MFAP1: variants seen among roughly 807,000 people sequenced by gnomAD.
MFAP1 encodes the protein microfibrillar-associated protein 1.
In MFAP1, 18 loss-of-function variants were observed where a neutral mutation model predicts 62.2. The observed-to-expected ratio is 0.29, with a 90% CI of 0.20 to 0.43. The LOEUF is 0.43. Ranked by LOEUF, MFAP1 falls within the 20% of genes least tolerant of loss-of-function variation. The pLI is 1.00. For synonymous variants in MFAP1, 175 were observed against 180.4 expected, an observed-to-expected ratio of 0.97 and a Z score of 0.24; for missense variants, 355 against 559.7, an observed-to-expected ratio of 0.63 and a Z score of 3.69.
At position 43,804,521 on chromosome 15, in the gene MFAP1, T is replaced by G. The variant is rs934133531; in HGVS notation, c.*573A>C. 2.8e-4 allele frequency: 42 copies of G among 152,364 alleles called. No homozygotes were observed. The highest frequency in any genetic ancestry group is 9.9e-4 in the African/African-American group (41 of 41,592). The allele number at this position is 152,364 out of a possible 1,614,324, so 9.4% of individuals were successfully genotyped here. On this transcript the variant is annotated 3_prime_UTR_variant, in exon 9 of 9. Transcript: ENST00000267812. ...TGACAATTGTTATCTTTTACTTTAA[T>G]AGGCAATTAATACTTGTCAGCTTGG...
At chr15:43,821,834 T>C (rs1216599047) in intron 1 of MFAP1, among the ~76,000 whole-genome samples, 2 of 152,048 alleles carry the variant, frequency 1.3e-5, no homozygotes, top group Non-Finnish European at 2.9e-5. Context: ...AATATGAGTA[T>C]CTGTGATCTC....
At chr15:43,812,081 T>C (rs888898874) in intron 6 of MFAP1, among the ~76,000 whole-genome samples, 2 of 151,890 alleles carry the variant, frequency 1.3e-5, no homozygotes, top group African/African-American at 2.4e-5. Context: ...TCCCAGCTAC[T>C]TGGGAGGCTG....
intron 7 of MFAP1, among the ~76,000 whole-genome samples, chr15:43,806,615 C>T (rs1273368399): frequency 6.6e-6 from 1 of 152,224 alleles, no homozygotes; most frequent in African/African-American, 2.4e-5. Context: ...TGGCTCACGC[C>T]CGTAATCCCA....
intron 7 of MFAP1, among the ~76,000 whole-genome samples, chr15:43,807,631 A>T (rs1229972931): frequency 6.6e-6 from 1 of 151,374 alleles, no homozygotes; most frequent in Non-Finnish European, 1.5e-5. Context: ...TACAGGCGTG[A>T]GCCACCGCGC....
chr15:43,810,702 G>C (rs1463226094), intron 6 of MFAP1, among the ~76,000 whole-genome samples: 1 of 151,502 alleles, frequency 6.6e-6, no homozygotes, highest in African/African-American at 2.4e-5. Context: ...GTTGGGGAGA[G>C]GGAGTGATAT....
rs1412174231 is a variant in MFAP1 at position 43,822,929 on chromosome 15, CCT to C, written c.79+1560_79+1561del. On this transcript the variant is annotated intron_variant, in intron 1 of 8. Coordinates refer to ENST00000267812, the MANE Select transcript of MFAP1 (RefSeq NM_005926.3). ...TCTCGGCTCACTGCAACCTCTGCCC[CCT>C]GAGTTCAAGTGATTCTCCTGCCTCA... Among the ~76,000 whole-genome samples, 6 of 151,310 alleles carry C rather than the reference CCT, an allele frequency of 4.0e-5. No homozygotes were observed. In the South Asian group the frequency reaches 6.3e-4, roughly 16 times the overall value.
chr15:43,815,415 C>G (rs900932291), intron 2 of MFAP1, among the ~76,000 whole-genome samples: 1 of 151,962 alleles, frequency 6.6e-6, no homozygotes, highest in Non-Finnish European at 1.5e-5. Context: ...TGGACTTAGG[C>G]AATCTGCCCA....
intron 1 of MFAP1, among the ~76,000 whole-genome samples, chr15:43,818,574 C>T (rs2087449376): frequency 6.8e-6 from 1 of 147,866 alleles, no homozygotes; most frequent in Admixed American, 6.7e-5. Flanking sequence ...TAGCCCAAGA[C>T]TAGAAGGATA....
chr15:43,812,411 A>T (rs1011558204), intron 6 of MFAP1, among the ~76,000 whole-genome samples: 1 of 152,160 alleles, frequency 6.6e-6, no homozygotes, highest in Admixed American at 6.5e-5. Context: ...TGGAACCGAC[A>T]TGTCAGAAGA....
chr15:43,815,324 C>T (rs560336892), intron 2 of MFAP1, among the ~76,000 whole-genome samples: 3 of 152,018 alleles, frequency 2.0e-5, no homozygotes, highest in African/African-American at 4.8e-5. Context: ...GGACTATAGG[C>T]GTGCCACCAC....
intron 1 of MFAP1, among the ~76,000 whole-genome samples, chr15:43,821,941 G>A (rs1567178143): frequency 1.3e-5 from 2 of 150,622 alleles, no homozygotes; most frequent in African/African-American, 2.4e-5. Context: ...AACTAGAAAC[G>A]TGTGTAAGAG....
intron 6 of MFAP1, among the ~76,000 whole-genome samples, chr15:43,811,415 CAA>C (rs573152892): frequency 5.4e-5 from 4 of 73,750 alleles, no homozygotes; most frequent in South Asian, 9.5e-4. Flanking sequence ...GACTGTGTCT[CAA>C]AAAAAAAAAA....
At position 43,817,082 on chromosome 15, in the gene MFAP1, A is replaced by G. The variant is rs1355283478; in HGVS notation, c.299+147T>C. 3.6e-6 allele frequency: 3 copies of G among 823,484 alleles called. No individual in the cohort carries two copies. In the East Asian group the frequency reaches 8.0e-5, roughly 22 times the overall value. The allele number at this position is 823,484 out of a possible 1,614,324, so 51.0% of individuals were successfully genotyped here. ...TTTCCTCCTTTTGTGAAATGGGGAT[A>G]ATAGCACCTATTTCATAAAGTTATT... is the stretch of plus-strand genomic sequence containing the variant. On this transcript the variant is annotated intron_variant, in intron 2 of 8. Transcript: ENST00000267812.
At chr15:43,812,863 C>T in intron 6 of MFAP1, 124 bp downstream of exon 6, 6 of 1,177,384 alleles carry the variant, frequency 5.1e-6, no homozygotes, top group Non-Finnish European at 7.2e-6. Flanking sequence ...AGGAAACTCA[C>T]AAAGCAACAA....
chr15:43,815,367 G>A (rs996277946), intron 2 of MFAP1, among the ~76,000 whole-genome samples: 1 of 151,866 alleles, frequency 6.6e-6, no homozygotes, highest in Non-Finnish European at 1.5e-5. Flanking sequence ...TTGTAGAGAC[G>A]GGGTTTTACC....
At position 43,817,240 on chromosome 15, in the gene MFAP1, A is replaced by G. The variant is rs1313683053; in HGVS notation, c.288T>C (p.Asp96=). 24 of 1,613,392 alleles carry G rather than the reference A, an allele frequency of 1.5e-5. No individual in the cohort carries two copies. Among genetic ancestry groups the G allele is most frequent in the Non-Finnish European group, 1.9e-5 (23 of 1,180,018 alleles). Residue 96 remains aspartate (D), a synonymous_variant, in exon 2 of 9, where the codon GAT becomes GAC. Coordinates refer to ENST00000267812, the MANE Select transcript of MFAP1 (RefSeq NM_005926.3). ...ATCACAGACATTACCTCTCTTCCAC[A>G]TCTTCACTAATACGGTTCTGTAAAC... ...LRRLQNRISE[D]VEERLARHRK...
Position 43,822,706 on chromosome 15 carries a change from C to T in MFAP1, c.79+1785G>A, listed in dbSNP as rs550151995. ...TAACAGACAGGGTCTTGATCTGTTGCTTAGGTTGGAGTGTAATGGCACAAT... is the reference window on the plus strand; with the variant it reads ...TAACAGACAGGGTCTTGATCTGTTGTTTAGGTTGGAGTGTAATGGCACAAT... On this transcript the variant is annotated intron_variant, in intron 1 of 8. Coordinates refer to ENST00000267812, the MANE Select transcript of MFAP1 (RefSeq NM_005926.3). Among the ~76,000 whole-genome samples the T allele has an allele frequency of 1.2e-4, 19 of 152,160 alleles. No individual in the cohort carries two copies. The East Asian group carries it at 3.5e-3, about 28-fold the overall frequency.
rs187474527 is a variant in MFAP1, at chr15:43,812,122, G to A, written c.887+865C>T. Among the ~76,000 whole-genome samples, 671 of 152,082 alleles carry A rather than the reference G, an allele frequency of 4.4e-3. 8 individuals are homozygous for A. The highest frequency in any genetic ancestry group is 0.016 in the African/African-American group (645 of 41,500). The stretch of plus-strand genomic sequence containing the variant: ...GGAAAATCACTTGAACCTGGCAGGC[G>A]GAGGCTGCAGTGAGCTGAGATTGTG... On this transcript the variant is annotated intron_variant, in intron 6 of 8. Transcript: ENST00000267812.
In MFAP1 at chr15:43,818,018, C is replaced by CT. The variant is rs780258021; in HGVS notation, c.80-571dup. ...TATGTAATCTCTTACAAATACAATTCTTTTTTTTTTTTTTTTTTTGAGACG... is the reference window on the plus strand; with the variant it reads ...TATGTAATCTCTTACAAATACAATTCTTTTTTTTTTTTTTTTTTTTGAGACG... On this transcript the variant is annotated intron_variant, in intron 1 of 8. Transcript: ENST00000267812. Among the ~76,000 whole-genome samples, 862 of 131,706 alleles carry CT rather than the reference C, an allele frequency of 6.5e-3. 5 individuals carry two copies. The highest frequency in any genetic ancestry group is 8.6e-3 in the Non-Finnish European group (537 of 62,384). 86.4% of individuals were successfully genotyped at this position (131,706 alleles called of 152,430 possible).
Sources: gnomAD v4.1 joint callset for allele counts (sites outside exome capture counted in the v4.1 genomes callset) on GRCh38, gnomAD v4.1.1 for gene constraint, MANE v1.5 for transcripts, NCBI Gene and HGNC (gene_info 2026-07-23, HGNC 2026-07-21) for gene names.